The following EVC2 variants were observed in gnomAD, a reference collection of about 807,000 sequenced individuals.
EVC2 encodes the protein limbin.
EVC2 carries 148 observed loss-of-function variants against 149.3 expected under a neutral mutation model. The ratio of observed to expected loss-of-function variants is 0.99; its 90% CI spans 0.87 to 1.14. The LOEUF is 1.14. Ranked by LOEUF, EVC2 falls within the 50% of genes most tolerant of loss-of-function variation. EVC2 has a pLI of 0.00. For synonymous variants in EVC2, 776 were observed against 649.9 expected, an observed-to-expected ratio of 1.19 and a Z score of -2.95; for missense variants, 1,854 against 1,627.3, an observed-to-expected ratio of 1.14 and a Z score of -2.40.
Position 5,638,613 on chromosome 4 carries a change from C to CA in EVC2, c.1470+1900dup, listed in dbSNP as rs150694050. On this transcript the variant is annotated intron_variant, in intron 10 of 21. Transcript: ENST00000344408. ...ACTGAATGGTGACACTCCCACCCCC[C>CA]AAAAAAGATATGCCTAGATCCTAAC... Among the ~76,000 whole-genome samples the CA allele has an allele frequency of 5.1e-4, 78 of 151,990 alleles. 2 individuals are homozygous for CA. In the South Asian group the frequency reaches 0.015, roughly 30 times the overall value.
chr4:5,590,044 C>A (rs926617706), intron 16 of EVC2, among the ~76,000 whole-genome samples: 1 of 151,996 alleles, frequency 6.6e-6, no homozygotes, highest in Non-Finnish European at 1.5e-5. Context: ...ACTGAAGGAT[C>A]CAGGCATTCA....
intron 17 of EVC2, among the ~76,000 whole-genome samples, chr4:5,578,959 G>A (rs893101380): frequency 6.6e-6 from 1 of 152,156 alleles, no homozygotes; most frequent in Non-Finnish European, 1.5e-5. Context: ...TAGAGCAGAA[G>A]CATTCTAGGC....
chr4:5,644,912 T>G (rs915567216), intron 9 of EVC2, among the ~76,000 whole-genome samples: 13 of 152,240 alleles, frequency 8.5e-5, no homozygotes, highest in African/African-American at 3.1e-4. Context: ...TACCATATTT[T>G]CTTTATTCAT....
chr4:5,637,865 CT>C lies in EVC2; in HGVS notation c.1470+2648del, dbSNP rs1716995051. Among the ~76,000 whole-genome samples the C allele has an allele frequency of 6.6e-6, 1 of 151,196 alleles. No individual in the cohort carries two copies. The highest frequency in any genetic ancestry group is 2.1e-4 in the South Asian group (1 of 4,778). ...AGCTTTGGTTCTGAAATCAGACAGC[CT>C]TTCTGTAAGGGGCCATATTTTAGAG... On this transcript the variant is annotated intron_variant, in intron 10 of 21. Transcript: ENST00000344408. The surrounding 1 kb of genome is among the most constrained non-coding windows in gnomAD (Gnocchi z 4.4).
At chr4:5,616,640 T>C (rs1357102189) in intron 15 of EVC2, among the ~76,000 whole-genome samples, 1 of 152,142 alleles carries the variant, frequency 6.6e-6, no homozygotes, top group Non-Finnish European at 1.5e-5. Flanking sequence ...AACAATTTTA[T>C]CCCCAGGCCT....
At chr4:5,632,890 C>T (rs1282319226) in intron 10 of EVC2, among the ~76,000 whole-genome samples, 1 of 152,128 alleles carries the variant, frequency 6.6e-6, no homozygotes, top group Non-Finnish European at 1.5e-5. Flanking sequence ...GATCCCCAGG[C>T]CCCAGTATAT....
At chr4:5,642,320 A>AT (rs371246135) in intron 9 of EVC2, among the ~76,000 whole-genome samples, 1 of 152,038 alleles carries the variant, frequency 6.6e-6, no homozygotes, top group Non-Finnish European at 1.5e-5. Context: ...TTCTATGCAT[A>AT]TTTTTTTCAT....
In EVC2 at chr4:5,670,437, G is replaced by A. The variant is rs1317426695; in HGVS notation, c.871-4788C>T. ...TTACCATCACCATCAACACCATTAT[G>A]ATCAATATCAGCAGGATCACCATCA... On this transcript the variant is annotated intron_variant, in intron 7 of 21. Transcript: ENST00000344408. This position sits in a 1 kb window ranked among gnomAD's most constrained non-coding sequence, Gnocchi z 5.2. Among the ~76,000 whole-genome samples the A allele has an allele frequency of 1.4e-5, 2 of 144,422 alleles. No individual in the cohort carries two copies. Among genetic ancestry groups the A allele is most frequent in the Non-Finnish European group, 3.0e-5 (2 of 65,982 alleles). The allele number at this position is 144,422 out of a possible 152,430, so 94.7% of individuals were successfully genotyped here.
chr4:5,532,655 C>T, the EVC2 span, among the ~76,000 whole-genome samples: 4 of 152,284 alleles, frequency 2.6e-5, no homozygotes, highest in South Asian at 2.1e-4. Context: ...CTCTCCCCAG[C>T]GGCTGCCTAA....
chr4:5,708,211 C>T, intron 1 of EVC2, 75 bp downstream of exon 1: 1 of 1,300,772 alleles, frequency 7.7e-7, no homozygotes, highest in Non-Finnish European at 1.0e-6. Flanking sequence ...ACTAAGGGTC[C>T]TCCCTGCCAC....
At chr4:5,583,517 A>G (rs1305043860) in intron 17 of EVC2, among the ~76,000 whole-genome samples, 1 of 152,144 alleles carries the variant, frequency 6.6e-6, no homozygotes, top group African/African-American at 2.4e-5. Flanking sequence ...AAAGTACTGA[A>G]TCAATTTCTT....
Position 5,565,672 on chromosome 4 carries a change from C to CA in EVC2, c.3558-314dup, listed in dbSNP as rs949664571. 0.062 allele frequency among the ~76,000 whole-genome samples: 5,056 copies of CA among 81,530 alleles called. 113 individuals carry two copies. The highest frequency in any genetic ancestry group is 0.1 in the African/African-American group (2,236 of 22,320). 53.5% of individuals were successfully genotyped at this position (81,530 alleles called of 152,430 possible). A position where few individuals can be genotyped will look rare whatever the true frequency, so the allele number is the denominator to read the frequency against. On this transcript the variant is annotated intron_variant, in intron 20 of 21. Transcript: ENST00000344408. ...TGGGCGACAGAGTGAGACTCCATCT[C>CA]AAAAAAAAAAAAAAAAAGAATAGAA...
chr4:5,661,391 C>T lies in EVC2; in HGVS notation c.1145+1716G>A, dbSNP rs73065627. ...ACTTAGAAGAAGATAACATCACCCT[C>T]GTCCTCAGATTGTCTTCTCAACTTC... On this transcript the variant is annotated intron_variant, in intron 9 of 21. Transcript: ENST00000344408. 7.3e-4 allele frequency among the ~76,000 whole-genome samples: 111 copies of T among 152,268 alleles called. 1 individual carries two copies. Among genetic ancestry groups the T allele is most frequent in the Middle Eastern group, 3.4e-3 (1 of 292 alleles).
the EVC2 span, among the ~76,000 whole-genome samples, chr4:5,535,481 G>A: frequency 6.6e-6 from 1 of 152,090 alleles, no homozygotes; most frequent in Admixed American, 6.5e-5. This position sits in a 1 kb window ranked among gnomAD's most constrained non-coding sequence, Gnocchi z 4.7. Context: ...GGCTCGGACT[G>A]CTATAACAAA....
At chr4:5,662,047 C>T (rs919494214) in intron 9 of EVC2, among the ~76,000 whole-genome samples, 4 of 152,198 alleles carry the variant, frequency 2.6e-5, no homozygotes, top group African/African-American at 7.2e-5. Flanking sequence ...TACACACTCA[C>T]ATCACCTGGT....
chr4:5,699,805 G>A (rs116750845), intron 1 of EVC2, among the ~76,000 whole-genome samples: 2 of 151,528 alleles, frequency 1.3e-5, no homozygotes, highest in African/African-American at 4.8e-5. Flanking sequence ...CCCAGAAGAC[G>A]AAGTGAGACC....
intron 21 of EVC2, among the ~76,000 whole-genome samples, chr4:5,564,614 C>T (rs969704049): frequency 6.6e-5 from 10 of 152,200 alleles, no homozygotes; most frequent in African/African-American, 2.4e-4. Context: ...TGTTTAACCC[C>T]TTATGAATCT....
chr4:5,530,357 A>T, the EVC2 span, among the ~76,000 whole-genome samples: 14 of 152,186 alleles, frequency 9.2e-5, no homozygotes, highest in Non-Finnish European at 1.9e-4. Flanking sequence ...CTTTCCACGA[A>T]ATTGCGTGTG....
At chr4:5,652,289 C>T (rs112367623) in intron 9 of EVC2, among the ~76,000 whole-genome samples, 6,289 of 152,170 alleles carry the variant, frequency 0.041, 400 homozygotes, top group African/African-American at 0.14. Context: ...GGAGAGGCTG[C>T]GTCAGGATGG....
Sources: allele counts gnomAD v4.1 joint callset (sites outside exome capture counted in the v4.1 genomes callset), GRCh38; gene constraint gnomAD v4.1.1; non-coding constraint Gnocchi (gnomAD v3.1); transcripts MANE v1.5; gene names NCBI Gene and HGNC (gene_info 2026-07-23, HGNC 2026-07-21).